ZFP90: variants seen among roughly 807,000 people sequenced by gnomAD.
ZFP90 encodes the protein zinc finger protein 90 homolog.
ZFP90 carries 38 observed loss-of-function variants against 60.8 expected under a neutral mutation model. That is an observed-to-expected ratio of 0.62 (90% CI 0.48 to 0.82). The LOEUF (loss-of-function observed/expected upper bound fraction) is 0.82. ZFP90 is among the 40% of genes least tolerant of loss of function. ZFP90 has a pLI of 0.00. For missense variants in ZFP90, 711 were observed against 759.1 expected (o/e 0.94, Z 0.74); for synonymous variants, 287 against 264.8 (o/e 1.08, Z -0.82).
At chr16:68,557,411 A>G (rs2091363003) in intron 2 of ZFP90, 1 of 372,408 alleles carries the variant, frequency 2.7e-6, no homozygotes, top group African/African-American at 2.1e-5. Context: ...GCAGTTCAAT[A>G]AGGTGCAATT....
intron 2 of ZFP90, among the ~76,000 whole-genome samples, chr16:68,543,759 C>T (rs909558169): frequency 2.6e-5 from 4 of 151,646 alleles, no homozygotes; most frequent in Non-Finnish European, 5.9e-5. Context: ...CAGGGTTTCA[C>T]CATGTTGACC....
Position 68,563,850 on chromosome 16 carries a change from C to G in ZFP90, c.1063C>G (p.Gln355Glu), listed in dbSNP as rs778923543. Residue 355 changes from glutamine to glutamate, a missense_variant, in exon 5 of 5, where the codon CAA becomes GAA. Physicochemically the swap from Gln to Glu is conservative, Grantham distance 29. Around this residue, in one of 5 missense-constraint regions of ZFP90, gnomAD observed 146 missense variants for 201.4 expected, o/e 0.73. Coordinates refer to ENST00000563169, the MANE Select transcript of ZFP90 (RefSeq NM_001305203.2). ...CTTTAGGCATGGCACATCCCTCACT[C>G]AACACGAGGTCACACACAGTGGAGA... ...RSFRHGTSLTQHEVTHSGEKP... is the reference protein window; with the variant it reads ...RSFRHGTSLTEHEVTHSGEKP... The G allele has an allele frequency of 5.6e-6, 9 of 1,613,870 alleles. No homozygotes were observed. Among genetic ancestry groups the G allele is most frequent in the Admixed American group, 1.7e-5 (1 of 59,974 alleles).
chr16:68,575,818 T>A (rs2091591625), exon 3 of ZFP90: 2 of 398,202 alleles, frequency 5.0e-6, no homozygotes, highest in Admixed American at 4.4e-5. Context: ...CCGCTGTCGC[T>A]ACCATCTGGG....
At chr16:68,540,750 T>C (rs370409916) in intron 2 of ZFP90, among the ~76,000 whole-genome samples, 3 of 148,302 alleles carry the variant, frequency 2.0e-5, no homozygotes, top group African/African-American at 5.0e-5. Context: ...GGCAATAGGA[T>C]CGTTTAAGCC....
exon 3 of ZFP90, chr16:68,576,065 A>G (rs1043695168): frequency 2.3e-5 from 8 of 341,220 alleles, no homozygotes; most frequent in Non-Finnish European, 3.6e-5. Flanking sequence ...AAAGCATTTC[A>G]TTAACAAGAG....
chr16:68,542,780 A>G (rs144242025), intron 2 of ZFP90, among the ~76,000 whole-genome samples: 7 of 152,124 alleles, frequency 4.6e-5, no homozygotes, highest in African/African-American at 1.7e-4. Flanking sequence ...TGGCCTTGTA[A>G]CTCGTTCATT....
upstream of ZFP90, among the ~76,000 whole-genome samples, chr16:68,538,207 C>T (rs954637605): frequency 6.6e-6 from 1 of 152,076 alleles, no homozygotes; most frequent in Non-Finnish European, 1.5e-5. Context: ...CCACCGCACC[C>T]GGCATAAAGC....
intron 2 of ZFP90, among the ~76,000 whole-genome samples, chr16:68,557,531 G>A (rs1309302033): frequency 8.6e-5 from 13 of 151,942 alleles, no homozygotes; most frequent in Admixed American, 7.9e-4. Flanking sequence ...GTGTGAGTAT[G>A]GTTAAGTGGG....
intron 2 of ZFP90, among the ~76,000 whole-genome samples, chr16:68,553,179 A>T (rs947323831): frequency 3.3e-5 from 5 of 152,192 alleles, no homozygotes; most frequent in African/African-American, 1.2e-4. Flanking sequence ...CTGCTTTGGG[A>T]TATAGACCGT....
intron 2 of ZFP90, among the ~76,000 whole-genome samples, chr16:68,553,390 A>C (rs1215808626): frequency 6.6e-6 from 1 of 152,042 alleles, no homozygotes; most frequent in Non-Finnish European, 1.5e-5. Flanking sequence ...GAACACAGGC[A>C]CCAGGGAGGA....
At position 68,564,226 on chromosome 16, in the gene ZFP90, G is replaced by T. The variant is rs539918977; in HGVS notation, c.1439G>T (p.Cys480Phe). 1.1e-5 allele frequency: 18 copies of T among 1,613,880 alleles called. No homozygotes were observed. In the African/African-American group the frequency reaches 1.7e-4, roughly 16 times the overall value. ...CATACTGCAGAGAACCCCTATGATT[G>T]TGAGCAGGCTTTTAGTCAGCAAGCT... ...RIHTAENPYD[C>F]EQAFSQQAIS... The change falls in exon 5 of 5, where the codon TGT becomes TTT. Residue 480 changes from cysteine (C) to phenylalanine (F), a missense_variant. Cys to Phe is a radical substitution (Grantham distance 205). Coordinates refer to ENST00000563169, the MANE Select transcript of ZFP90 (RefSeq NM_001305203.2).
intron 2 of ZFP90, among the ~76,000 whole-genome samples, chr16:68,572,762 G>T (rs2091574747): frequency 6.6e-6 from 1 of 152,350 alleles, no homozygotes; most frequent in African/African-American, 2.4e-5. Flanking sequence ...GTCACCTGGA[G>T]TTCTTGGGAG....
At chr16:68,554,125 GT>G (rs68155311) in intron 2 of ZFP90, among the ~76,000 whole-genome samples, 78,811 of 122,738 alleles carry the variant, frequency 0.64, 22,089 homozygotes, top group East Asian at 0.78. Context: ...GTTTTGTTTT[GT>G]TTTTTTTTTT....
Position 68,566,001 on chromosome 16 carries a change from GC to G in ZFP90, c.*1304del. ...ATCCAAAAATTAGCTGGGCATGGTG[GC>G]ATGCAGTGGTAGTCCCAGCTACTCA... On this transcript the variant is annotated 3_prime_UTR_variant, in exon 5 of 5. Coordinates refer to ENST00000563169, the MANE Select transcript of ZFP90 (RefSeq NM_001305203.2). The G allele has an allele frequency of 1.4e-6, 1 of 737,540 alleles. No individual in the cohort carries two copies. The highest frequency in any genetic ancestry group is 1.7e-6 in the Non-Finnish European group (1 of 603,820). The allele number at this position is 737,540 out of a possible 1,614,324, so 45.7% of individuals were successfully genotyped here. A position where few individuals can be genotyped will look rare whatever the true frequency, so the allele number is the denominator to read the frequency against.
chr16:68,539,960 A>G (rs1447183399), intron 2 of ZFP90, 135 bp downstream of exon 2: 4 of 1,296,110 alleles, frequency 3.1e-6, no homozygotes, highest in Admixed American at 2.3e-5. Context: ...CCTCCTGGCC[A>G]TGGAAAACCC....
intron 4 of ZFP90, among the ~76,000 whole-genome samples, chr16:68,559,694 A>C (rs1352017531): frequency 6.6e-6 from 1 of 151,912 alleles, no homozygotes; most frequent in African/African-American, 2.4e-5. Context: ...CAGCCTCCCA[A>C]GTAGCTAGGA....
downstream of ZFP90, among the ~76,000 whole-genome samples, chr16:68,570,693 G>C (rs1033505440): frequency 6.6e-6 from 1 of 152,176 alleles, no homozygotes; most frequent in South Asian, 2.1e-4. Flanking sequence ...ATCCTGTTGG[G>C]ACTGGAAAAT....
chr16:68,552,637 T>C (rs1191321011), intron 2 of ZFP90, among the ~76,000 whole-genome samples: 1 of 151,952 alleles, frequency 6.6e-6, no homozygotes, highest in Non-Finnish European at 1.5e-5. Context: ...CATGGCCAAA[T>C]GTTAGTGTCT....
In ZFP90 at chr16:68,564,212, G is replaced by A; in HGVS notation, c.1425G>A (p.Glu475=). The change falls in exon 5 of 5, where the codon GAG becomes GAA. Residue 475 remains glutamate (E), a synonymous_variant. Transcript: ENST00000563169. The stretch of plus-strand genomic sequence containing the variant: ...ACCATCAGAGGATCCATACTGCAGA[G>A]AACCCCTATGATTGTGAGCAGGCTT... ...FTDHQRIHTA[E]NPYDCEQAFS... is the part of the protein sequence containing the mutation. 6.2e-7 allele frequency: 1 copy of A among 1,613,952 alleles called. No individual in the cohort carries two copies.
Sources: allele counts gnomAD v4.1 joint callset (sites outside exome capture counted in the v4.1 genomes callset), GRCh38; gene constraint gnomAD v4.1.1; regional missense constraint gnomAD v4.1.1; transcripts MANE v1.5; gene names NCBI Gene and HGNC (gene_info 2026-07-23, HGNC 2026-07-21).